ATOH8: variants seen among roughly 807,000 people sequenced by gnomAD.
ATOH8 encodes transcription factor ATOH8.
ATOH8 carries 9 observed loss-of-function variants against 21.2 expected under a neutral mutation model. The observed-to-expected ratio is 0.42, with a 90% CI of 0.26 to 0.74. ATOH8 has a LOEUF of 0.74. Among genes scored for constraint, ATOH8 ranks in the 30% least tolerant of loss-of-function variants. ATOH8 has a pLI of 0.24. For synonymous variants in ATOH8, 253 were observed against 224.0 expected (o/e 1.13, Z -1.16); for missense variants, 524 against 470.9 (o/e 1.11, Z -1.04).
chr2:85,785,422 C>T lies in ATOH8; in HGVS notation c.961-1463C>T, dbSNP rs1680600081. On this transcript the variant is annotated intron_variant, in intron 2 of 2. Coordinates refer to ENST00000306279, the MANE Select transcript of ATOH8 (RefSeq NM_032827.7). This position sits in a 1 kb window ranked among gnomAD's most constrained non-coding sequence, Gnocchi z 4.1. ...TTACCACATCAAGATGCTCCCGCCT[C>T]TCACTTTTCCTTTTCTCCCTCCTGA... Among the ~76,000 whole-genome samples, 2 of 152,244 alleles carry T rather than the reference C, an allele frequency of 1.3e-5. No homozygotes were observed. Among genetic ancestry groups the T allele is most frequent in the African/African-American group, 4.8e-5 (2 of 41,462 alleles).
intron 1 of ATOH8, among the ~76,000 whole-genome samples, chr2:85,757,526 G>A (rs1157058827): frequency 6.6e-6 from 1 of 152,264 alleles, no homozygotes; most frequent in East Asian, 1.9e-4. Context: ...TGGGATTGTG[G>A]CTCTGGCCTG....
chr2:85,755,856 G>A (rs1231618843), intron 1 of ATOH8, among the ~76,000 whole-genome samples: 1 of 152,122 alleles, frequency 6.6e-6, no homozygotes, highest in African/African-American at 2.4e-5. Context: ...CCCACACAGG[G>A]CGTGGGGAAG....
chr2:85,786,865 T>TG lies in ATOH8; in HGVS notation c.961-18dup. 1 of 1,613,966 alleles carries TG rather than the reference T, an allele frequency of 6.2e-7. No individual in the cohort carries two copies. Among genetic ancestry groups the TG allele is most frequent in the South Asian group, 1.1e-5 (1 of 91,062 alleles). On this transcript the variant is annotated intron_variant, in intron 2 of 2. Transcript: ENST00000306279. ...CAGGTGGAGCAGGGGCAGCTTTTAA[T>TG]GGCTGGTCATGTCTTTCAGGAGTGA...
Position 85,754,453 on chromosome 2 carries a change from G to A in ATOH8, c.264G>A (p.Gly88=). Residue 88 remains glycine, a synonymous_variant, in exon 1 of 3, where the codon GGG becomes GGA. Transcript: ENST00000306279. ...VPVAPAVPPR[G]GTDTAGERGG... ...TGGCGCCGGCCGTTCCCCCAAGAGG[G>A]GGCACGGACACAGCCGGGGAGCGCG... The A allele has an allele frequency of 1.3e-6, 2 of 1,504,318 alleles. No individual in the cohort carries two copies. Among genetic ancestry groups the A allele is most frequent in the Non-Finnish European group, 1.8e-6 (2 of 1,135,970 alleles). 93.2% of individuals were successfully genotyped at this position (1,504,318 alleles called of 1,614,324 possible).
chr2:85,780,215 C>T (rs1444367515), intron 2 of ATOH8, among the ~76,000 whole-genome samples: 1 of 152,168 alleles, frequency 6.6e-6, no homozygotes, highest in Non-Finnish European at 1.5e-5. Context: ...TAAGGGCCTG[C>T]AACACTGTGG....
intron 2 of ATOH8, among the ~76,000 whole-genome samples, chr2:85,767,560 T>TCCC (rs1209422732): frequency 2.9e-5 from 1 of 34,662 alleles, no homozygotes; most frequent in Non-Finnish European, 5.9e-5. Flanking sequence ...TGGTATTCCC[T>TCCC]CTTCCCCTCC....
chr2:85,784,826 CAGAG>C (rs1373370357), intron 2 of ATOH8, among the ~76,000 whole-genome samples: 1 of 152,232 alleles, frequency 6.6e-6, no homozygotes, highest in African/African-American at 2.4e-5. Context: ...TGCTGAATTG[CAGAG>C]AAAGTCCTGG....
At chr2:85,768,546 G>T (rs1253747972) in intron 2 of ATOH8, among the ~76,000 whole-genome samples, 1 of 151,312 alleles carries the variant, frequency 6.6e-6, no homozygotes, top group Non-Finnish European at 1.5e-5. Flanking sequence ...ACTGTCCCAT[G>T]CAGGGACTGC....
At position 85,754,894 on chromosome 2, in the gene ATOH8, G is replaced by T; in HGVS notation, c.705G>T (p.Ala235=). 2 of 1,610,622 alleles carry T rather than the reference G, an allele frequency of 1.2e-6. No homozygotes were observed. The highest frequency in any genetic ancestry group is 1.7e-6 in the Non-Finnish European group (2 of 1,179,770). The change falls in exon 1 of 3, where the codon GCG becomes GCT. Residue 235 remains alanine, a synonymous_variant. Transcript: ENST00000306279. ...KALQQTRRLL[A]NARERTRVHT... The stretch of plus-strand genomic sequence containing the variant: ...TGCAGCAGACCCGGAGGCTCCTGGC[G>T]AACGCCAGGGAGCGGACGCGGGTGC...
chr2:85,761,347 T>C (rs1004918095), intron 1 of ATOH8, among the ~76,000 whole-genome samples: 9 of 152,178 alleles, frequency 5.9e-5, no homozygotes, highest in South Asian at 2.1e-4. Context: ...TACCTGTAAA[T>C]AGCTACCACA....
intron 1 of ATOH8, among the ~76,000 whole-genome samples, chr2:85,759,512 G>A (rs1017113775): frequency 6.6e-6 from 1 of 152,154 alleles, no homozygotes; most frequent in Non-Finnish European, 1.5e-5. Flanking sequence ...ACCAGGATCT[G>A]TACTGTGGCC....
intron 2 of ATOH8, among the ~76,000 whole-genome samples, chr2:85,786,023 C>G (rs1017029341): frequency 1.3e-5 from 2 of 152,144 alleles, no homozygotes; most frequent in African/African-American, 4.8e-5. Flanking sequence ...TGCCCCCTGT[C>G]CCATCCCTTC....
chr2:85,755,335 C>T (rs934982740), intron 1 of ATOH8, among the ~76,000 whole-genome samples: 5 of 152,110 alleles, frequency 3.3e-5, no homozygotes, highest in African/African-American at 1.2e-4. Flanking sequence ...AGGGGGGAGC[C>T]TTCTCCAGTT....
At chr2:85,779,524 G>A (rs1377310423) in intron 2 of ATOH8, among the ~76,000 whole-genome samples, 1 of 152,212 alleles carries the variant, frequency 6.6e-6, no homozygotes, top group Admixed American at 6.5e-5. Context: ...GGGGGTGCTG[G>A]GCCTCCCACT....
At chr2:85,765,937 T>C (rs1680003556) in intron 2 of ATOH8, among the ~76,000 whole-genome samples, 1 of 152,150 alleles carries the variant, frequency 6.6e-6, no homozygotes, top group Non-Finnish European at 1.5e-5. Context: ...AACCTTCCCA[T>C]TGTGGAGTCT....
chr2:85,776,293 G>A (rs986985906), intron 2 of ATOH8, among the ~76,000 whole-genome samples: 1 of 152,238 alleles, frequency 6.6e-6, no homozygotes, highest in African/African-American at 2.4e-5. Context: ...CTGAGGCTTG[G>A]AGGCATGGTC....
intron 2 of ATOH8, among the ~76,000 whole-genome samples, chr2:85,767,511 G>C (rs541476173): frequency 1.6e-4 from 24 of 146,624 alleles, no homozygotes; most frequent in African/African-American, 6.1e-4. Context: ...ACTACTGTAG[G>C]GGTCCCCAAG....
At chr2:85,763,497 A>G (rs1214727900) in intron 1 of ATOH8, among the ~76,000 whole-genome samples, 1 of 152,218 alleles carries the variant, frequency 6.6e-6, no homozygotes, top group Non-Finnish European at 1.5e-5. Flanking sequence ...GTATGTCCCC[A>G]GAGTCCCAGG....
At chr2:85,778,302 G>T (rs545285918) in intron 2 of ATOH8, among the ~76,000 whole-genome samples, 1 of 136,706 alleles carries the variant, frequency 7.3e-6, no homozygotes, top group East Asian at 1.9e-4. Context: ...ACGTGCATAC[G>T]TGTGTGTGTG....
Sources: gnomAD v4.1 joint callset for allele counts (sites outside exome capture counted in the v4.1 genomes callset) on GRCh38, gnomAD v4.1.1 for gene constraint, Gnocchi (gnomAD v3.1) non-coding constraint, MANE v1.5 for transcripts, NCBI Gene and HGNC (gene_info 2026-07-23, HGNC 2026-07-21) for gene names.